DONSON: variants seen among roughly 807,000 people sequenced by gnomAD.
DONSON encodes DNA replication fork stabilization factor DONSON.
DONSON carries 43 observed loss-of-function variants against 62.1 expected under a neutral mutation model. That is an observed-to-expected ratio of 0.69 (90% CI 0.54 to 0.89). The LOEUF is 0.89. Ranked by LOEUF, DONSON falls within the 40% of genes least tolerant of loss-of-function variation. The pLI is 0.00. For missense variants in DONSON, 696 were observed against 697.5 expected, an observed-to-expected ratio of 1.00 and a Z score of 0.03; for synonymous variants, 266 against 264.6, an observed-to-expected ratio of 1.01 and a Z score of -0.05.
chr21:33,581,445 C>T lies in DONSON; in HGVS notation c.1207G>A (p.Val403Ile). The T allele has an allele frequency of 1.2e-6, 2 of 1,613,944 alleles. No homozygotes were observed. The change falls in exon 8 of 10, where the codon GTA becomes ATA. Residue 403 changes from valine to isoleucine, a missense_variant. Physicochemically the swap from Val to Ile is conservative, Grantham distance 29 (BLOSUM62 3). Transcript: ENST00000303071. ...AATGTAAAGGTGTTGATTCCTTTTA[C>T]CAACACAACAGATTCAGGTCTGTGA... is the stretch of plus-strand genomic sequence containing the variant. ...MDHRPESVVL[V>I]KGINTFTLLN...
At chr21:33,579,198 A>T in intron 9 of DONSON, 152 bp downstream of exon 9, 1 of 557,476 alleles carries the variant, frequency 1.8e-6, no homozygotes, top group Non-Finnish European at 2.9e-6. Context: ...TAAACAACTT[A>T]CAGACATTAT....
At chr21:33,582,852 C>G (rs552757832) in intron 5 of DONSON, among the ~76,000 whole-genome samples, 1 of 152,186 alleles carries the variant, frequency 6.6e-6, no homozygotes, top group African/African-American at 2.4e-5. Context: ...CACAGGGGCA[C>G]GAATCCTACT....
chr21:33,580,144 G>C (rs764186862), intron 8 of DONSON, among the ~76,000 whole-genome samples: 1 of 151,856 alleles, frequency 6.6e-6, no homozygotes, highest in Admixed American at 6.6e-5. Context: ...TTGAAGAATC[G>C]CTTGAGCCCG....
rs753441773 is a variant in DONSON, at chr21:33,586,671, GT to G, written c.403-491del. Reference sequence around the variant, plus strand: ...TTAAATTGAGACGGAGTCTCCCTCTGTCGCCTAGGCTGAGTGAAGTGGTGTG... The same window carrying G: ...TTAAATTGAGACGGAGTCTCCCTCTGCGCCTAGGCTGAGTGAAGTGGTGTG... On this transcript the variant is annotated intron_variant, in intron 2 of 9. Coordinates refer to ENST00000303071, the MANE Select transcript of DONSON (RefSeq NM_017613.4). 8.6e-5 allele frequency among the ~76,000 whole-genome samples: 13 copies of G among 151,822 alleles called. No individual in the cohort carries two copies. In the South Asian group the frequency reaches 1.9e-3, roughly 22 times the overall value.
intron 4 of DONSON, among the ~76,000 whole-genome samples, 173 bp downstream of exon 4, chr21:33,584,417 T>TA (rs762498161): frequency 0.024 from 3,226 of 135,704 alleles, 51 homozygotes; most frequent in Middle Eastern, 0.046. Flanking sequence ...GAGTAACAGC[T>TA]AAAAAAAAAA....
At chr21:33,585,089 TC>T (rs2086562547) in intron 3 of DONSON, among the ~76,000 whole-genome samples, 2 of 152,096 alleles carry the variant, frequency 1.3e-5, no homozygotes, top group Non-Finnish European at 2.9e-5. Flanking sequence ...CAACCCTCTC[TC>T]CAAAAGGCTG....
In DONSON at chr21:33,579,519, C is replaced by T. The variant is rs1569074441; in HGVS notation, c.1394G>A (p.Arg465Lys). 2 of 1,614,080 alleles carry T rather than the reference C, an allele frequency of 1.2e-6. No homozygotes were observed. The highest frequency in any genetic ancestry group is 3.3e-5 in the Admixed American group (2 of 60,006). Residue 465 changes from arginine to lysine, a missense_variant, in exon 9 of 10, where the codon AGA (arginine) becomes AAA (lysine). Coordinates refer to ENST00000303071, the MANE Select transcript of DONSON (RefSeq NM_017613.4). ...NVKTQALSGY[R>K]DQFSLEITGP... ...TGTAATCTCCAAACTAAATTGGTCT[C>T]TGTATCCAGAAAGAGCTTGTGTCTT...
At chr21:33,578,467 C>G in intron 9 of DONSON, 23 bp from the exon 10 acceptor site, 3 of 1,596,086 alleles carry the variant, frequency 1.9e-6, no homozygotes, top group Non-Finnish European at 1.7e-6. Context: ...GTGTACAAGT[C>G]AGTAAAAAGC....
intron 2 of DONSON, 72 bp downstream of exon 2, chr21:33,587,450 A>T: frequency 8.8e-6 from 13 of 1,480,032 alleles, no homozygotes; most frequent in Non-Finnish European, 1.2e-5. Flanking sequence ...TGTATTTTTA[A>T]AAATAGGCTC....
In DONSON at chr21:33,577,603, CT is replaced by C. The variant is rs1353090319; in HGVS notation, c.*703del. On this transcript the variant is annotated 3_prime_UTR_variant, in exon 10 of 10. Coordinates refer to ENST00000303071, the MANE Select transcript of DONSON (RefSeq NM_017613.4). ...AAAATGTGAATTATACAGTCCCCCC[CT>C]ACACACACACACACACACACACACA... The C allele has an allele frequency of 7.7e-5, 4 of 51,694 alleles. No homozygotes were observed. Among genetic ancestry groups the C allele is most frequent in the Admixed American group, 2.6e-4 (1 of 3,874 alleles). The allele number at this position is 51,694 out of a possible 1,614,324, so 3.2% of individuals were successfully genotyped here. A position where few individuals can be genotyped will look rare whatever the true frequency, so the allele number is the denominator to read the frequency against.
intron 8 of DONSON, 140 bp from the exon 9 acceptor site, chr21:33,579,702 A>C (rs2834238): frequency 2.3e-5 from 15 of 656,272 alleles, no homozygotes; most frequent in Non-Finnish European, 3.8e-5. Context: ...CAAGACATCT[A>C]AACAATGTTA....
In DONSON at chr21:33,579,479, A is replaced by G. The variant is rs1465987611; in HGVS notation, c.1434T>C (p.Pro478=). ...GCATGGTCAGTGAATGCAGAGAATG[A>G]GGCATGATAGGACCTGTAATCTCCA... ...FSLEITGPIM[P]HSLHSLTMLL... Residue 478 remains proline (P), a synonymous_variant, in exon 9 of 10, where the codon CCT becomes CCC. Transcript: ENST00000303071. 1 of 1,614,242 alleles carries G rather than the reference A, an allele frequency of 6.2e-7. No homozygotes were observed. Among genetic ancestry groups the G allele is most frequent in the Non-Finnish European group, 8.5e-7 (1 of 1,180,028 alleles).
At chr21:33,587,663 TAC>T (rs2086593679) in intron 1 of DONSON, 61 bp from the exon 2 acceptor site, 1 of 1,166,128 alleles carries the variant, frequency 8.6e-7, no homozygotes, top group Non-Finnish European at 1.2e-6. Context: ...GTTAAATATG[TAC>T]AGAGCCTCAC....
chr21:33,580,977 G>A (rs2086501838), intron 8 of DONSON, among the ~76,000 whole-genome samples: 1 of 152,132 alleles, frequency 6.6e-6, no homozygotes, highest in South Asian at 2.1e-4. Flanking sequence ...AAGAGGCTGA[G>A]GCATGGCGCG....
chr21:33,581,475 T>C lies in DONSON; in HGVS notation c.1177A>G (p.Met393Val). 2.5e-6 allele frequency: 4 copies of C among 1,613,786 alleles called. No individual in the cohort carries two copies. The highest frequency in any genetic ancestry group is 3.4e-6 in the Non-Finnish European group (4 of 1,179,760). The change falls in exon 8 of 10, where the codon ATG becomes GTG. Residue 393 changes from methionine to valine, a missense_variant. Transcript: ENST00000303071. Reference protein sequence around the residue: ...KLRKEKHEVQMDHRPESVVLV... With the variant: ...KLRKEKHEVQVDHRPESVVLV... ...ACAACAGATTCAGGTCTGTGATCCA[T>C]TTGTACTTCATGTTTCTCTTTACGC...
chr21:33,579,340 G>T lies in DONSON; in HGVS notation c.1563+10C>A, dbSNP rs765848518. On this transcript the variant is annotated intron_variant, in intron 9 of 9. Transcript: ENST00000303071. The stretch of plus-strand genomic sequence containing the variant: ...CAACTAAAACAGTCTGCTCATAGGT[G>T]TCTACTTACCATATCAAGTACTTTG... 1.3e-5 allele frequency: 21 copies of T among 1,572,962 alleles called. No individual in the cohort carries two copies. Among genetic ancestry groups the T allele is most frequent in the East Asian group, 2.3e-5 (1 of 44,402 alleles).
intron 3 of DONSON, among the ~76,000 whole-genome samples, 178 bp downstream of exon 3, chr21:33,585,795 TAAAAA>T (rs773701289): frequency 1.4e-5 from 2 of 143,236 alleles, no homozygotes; most frequent in Non-Finnish European, 3.1e-5. Context: ...CAATCTGACT[TAAAAA>T]AAAAAAAGGT....
At position 33,578,085 on chromosome 21, in the gene DONSON, T is replaced by C. The variant is rs1163782758; in HGVS notation, c.*222A>G. ...AGTTTCTGCTCAATATACAATTAGG[T>C]TGTAGGGATATAGATATCTCATTTG... is the stretch of plus-strand genomic sequence containing the variant. On this transcript the variant is annotated 3_prime_UTR_variant, in exon 10 of 10. Coordinates refer to ENST00000303071, the MANE Select transcript of DONSON (RefSeq NM_017613.4). 1 of 431,738 alleles carries C rather than the reference T, an allele frequency of 2.3e-6. No homozygotes were observed. Among genetic ancestry groups the C allele is most frequent in the East Asian group, 3.9e-5 (1 of 25,556 alleles). 26.7% of individuals were successfully genotyped at this position (431,738 alleles called of 1,614,324 possible).
intron 8 of DONSON, among the ~76,000 whole-genome samples, chr21:33,580,064 G>C (rs983870238): frequency 9.9e-5 from 15 of 151,850 alleles, no homozygotes; most frequent in Non-Finnish European, 2.9e-5. Flanking sequence ...AGGCATGGTG[G>C]TGTGAGCCTA....
Sources: allele counts gnomAD v4.1 joint callset (sites outside exome capture counted in the v4.1 genomes callset), GRCh38; gene constraint gnomAD v4.1.1; transcripts MANE v1.5; gene names NCBI Gene and HGNC (gene_info 2026-07-23, HGNC 2026-07-21).